CDK15: variants seen among roughly 807,000 people sequenced by gnomAD.
CDK15 encodes the protein cyclin-dependent kinase 15.
CDK15 carries 62 observed loss-of-function variants against 60.3 expected under a neutral mutation model. The ratio of observed to expected loss-of-function variants is 1.03; its 90% CI spans 0.84 to 1.27. CDK15 has a LOEUF of 1.27. Among genes scored for constraint, CDK15 ranks in the 50% most tolerant of loss-of-function variants. The pLI, the probability that CDK15 is intolerant of heterozygous loss-of-function variation, is 0.00. For synonymous variants in CDK15, 194 were observed against 195.7 expected, an observed-to-expected ratio of 0.99 and a Z score of 0.07; for missense variants, 541 against 527.8, an observed-to-expected ratio of 1.03 and a Z score of -0.25.
chr2:201,890,024 G>T (rs1699588658), intron 12 of CDK15, among the ~76,000 whole-genome samples: 1 of 150,030 alleles, frequency 6.7e-6, no homozygotes, highest in South Asian at 2.1e-4. Context: ...ACTCCAGCCT[G>T]GGCCACAGAG....
At chr2:201,842,747 T>C (rs899243206) in intron 8 of CDK15, among the ~76,000 whole-genome samples, 1 of 152,188 alleles carries the variant, frequency 6.6e-6, no homozygotes, top group African/African-American at 2.4e-5. Flanking sequence ...GGAGAAAACA[T>C]CTAAGCAGTT....
intron 4 of CDK15, among the ~76,000 whole-genome samples, chr2:201,816,455 GTTTTTTTTTT>G (rs55930032): frequency 1.3e-5 from 1 of 79,854 alleles, no homozygotes; most frequent in African/African-American, 5.1e-5. Context: ...TAAGGAAATG[GTTTTTTTTTT>G]TTTTTTTTTT....
At chr2:201,880,203 T>TGTGC (rs1559149013) in intron 12 of CDK15, 36 bp downstream of exon 12, 14 of 1,609,530 alleles carry the variant, frequency 8.7e-6, no homozygotes, top group Non-Finnish European at 1.2e-5. Flanking sequence ...CGTGAGTGCA[T>TGTGC]GTGCGTGAGT....
intron 9 of CDK15, among the ~76,000 whole-genome samples, chr2:201,854,525 T>C (rs1698056961): frequency 6.6e-6 from 1 of 152,208 alleles, no homozygotes; most frequent in Admixed American, 6.5e-5. Flanking sequence ...CCTGCTTCTT[T>C]ATATCCCTAG....
chr2:201,829,546 T>C (rs1416389816), intron 6 of CDK15, among the ~76,000 whole-genome samples: 2 of 152,186 alleles, frequency 1.3e-5, no homozygotes, highest in African/African-American at 4.8e-5. Flanking sequence ...AATTGTGTTT[T>C]AGACATGCTA....
chr2:201,887,168 G>A lies in CDK15; in HGVS notation c.1199-3617G>A, dbSNP rs1273823476. The stretch of plus-strand genomic sequence containing the variant: ...TGTTGGTATATTGACTCAACATACA[G>A]TACTATGTAACCATTTTAAATGATC... On this transcript the variant is annotated intron_variant, in intron 12 of 13. Coordinates refer to ENST00000652192, the MANE Select transcript of CDK15 (RefSeq NM_001366386.2). 5.3e-5 allele frequency among the ~76,000 whole-genome samples: 8 copies of A among 152,198 alleles called. No individual in the cohort carries two copies. The East Asian group carries it at 9.6e-4, about 18-fold the overall frequency.
At chr2:201,869,007 G>A (rs554660179) in intron 10 of CDK15, among the ~76,000 whole-genome samples, 1 of 152,274 alleles carries the variant, frequency 6.6e-6, no homozygotes, top group South Asian at 2.1e-4. Flanking sequence ...AATACCATTT[G>A]ACCCAGCAAT....
rs951418406 is a variant in CDK15, at chr2:201,883,804, G to A, written c.1198+3637G>A. ...CGTGGCTGAGCCAGCAGGGCAGGACGTCAGCTGGAGCAGCTAGGACCTAAA... is the reference window on the plus strand; with the variant it reads ...CGTGGCTGAGCCAGCAGGGCAGGACATCAGCTGGAGCAGCTAGGACCTAAA... On this transcript the variant is annotated intron_variant, in intron 12 of 13. Transcript: ENST00000652192. Among the ~76,000 whole-genome samples the A allele has an allele frequency of 3.3e-5, 5 of 152,346 alleles. No individual in the cohort carries two copies. In the South Asian group the frequency reaches 1.0e-3, roughly 32 times the overall value.
In CDK15 at chr2:201,819,938, A is replaced by G. The variant is rs1696148786; in HGVS notation, c.449-2871A>G. 2.0e-5 allele frequency among the ~76,000 whole-genome samples: 3 copies of G among 152,178 alleles called. No homozygotes were observed. The South Asian group carries it at 6.2e-4, about 31-fold the overall frequency. The stretch of plus-strand genomic sequence containing the variant: ...AGATGACATGAAGTTTATACCCAGT[A>G]TTGTTAGCAGGAAGCCTCATTCCAA... On this transcript the variant is annotated intron_variant, in intron 4 of 13. Transcript: ENST00000652192.
At chr2:201,888,199 A>C (rs1699527294) in intron 12 of CDK15, among the ~76,000 whole-genome samples, 1 of 152,158 alleles carries the variant, frequency 6.6e-6, no homozygotes, top group East Asian at 1.9e-4. Flanking sequence ...GCCCAGGAAG[A>C]GTAAATGGAG....
chr2:201,836,236 C>G (rs1239089996), intron 8 of CDK15, among the ~76,000 whole-genome samples: 2 of 130,570 alleles, frequency 1.5e-5, no homozygotes, highest in Admixed American at 8.8e-5. Flanking sequence ...TGGAGTCTCA[C>G]TCTATTGCCC....
chr2:201,854,153 G>A lies in CDK15; in HGVS notation c.946-721G>A, dbSNP rs75154087. The stretch of plus-strand genomic sequence containing the variant: ...CGCATCACTGCACTCCAGCCTGGGC[G>A]ACAGAGCGAGACTCCGTCTCAAAAA... On this transcript the variant is annotated intron_variant, in intron 9 of 13. Transcript: ENST00000652192. Among the ~76,000 whole-genome samples the A allele has an allele frequency of 6.0e-3, 916 of 151,684 alleles. 17 individuals carry two copies. Among genetic ancestry groups the A allele is most frequent in the East Asian group, 0.022 (113 of 5,142 alleles).
chr2:201,883,460 G>A (rs1400566158), intron 12 of CDK15, among the ~76,000 whole-genome samples: 1 of 152,188 alleles, frequency 6.6e-6, no homozygotes, highest in Non-Finnish European at 1.5e-5. Context: ...CTAGGTTGTG[G>A]CAGTACGCTT....
intron 3 of CDK15, among the ~76,000 whole-genome samples, chr2:201,811,430 G>T (rs1008114842): frequency 6.6e-6 from 1 of 152,230 alleles, no homozygotes; most frequent in South Asian, 2.1e-4. Flanking sequence ...GATTACAGGC[G>T]TGAGCCACTG....
rs1376555887 is a variant in CDK15 at position 201,833,952 on chromosome 2, G to A, written c.711G>A (p.Glu237=). The A allele has an allele frequency of 6.2e-7, 1 of 1,613,568 alleles. No homozygotes were observed. The highest frequency in any genetic ancestry group is 8.5e-7 in the Non-Finnish European group (1 of 1,179,860). Residue 237 remains glutamate, a synonymous_variant, in exon 7 of 14, where the codon GAG becomes GAA. Coordinates refer to ENST00000652192, the MANE Select transcript of CDK15 (RefSeq NM_001366386.2). ...PQNLLISHLG[E]LKLADFGLAR... is the part of the protein sequence containing the mutation. ...ACTTACTCATCAGTCACCTGGGAGAGCTCAAACTGGCTGATTTTGGTAAGT... is the reference window on the plus strand; with the variant it reads ...ACTTACTCATCAGTCACCTGGGAGAACTCAAACTGGCTGATTTTGGTAAGT...
chr2:201,840,853 G>A (rs1697344008), intron 8 of CDK15, among the ~76,000 whole-genome samples: 2 of 152,118 alleles, frequency 1.3e-5, no homozygotes, highest in South Asian at 4.1e-4. Flanking sequence ...TCTAGGAGGT[G>A]TCCAGTGTGG....
At chr2:201,867,406 C>A (rs1698675887) in intron 10 of CDK15, among the ~76,000 whole-genome samples, 1 of 152,116 alleles carries the variant, frequency 6.6e-6, no homozygotes, top group Non-Finnish European at 1.5e-5. Flanking sequence ...TGGAGGATTG[C>A]TGGAAACTGG....
At chr2:201,850,113 G>A (rs1036460798) in intron 9 of CDK15, among the ~76,000 whole-genome samples, 16 of 152,272 alleles carry the variant, frequency 1.1e-4, no homozygotes, top group Admixed American at 3.3e-4. Context: ...GTGAGCCACC[G>A]CGCCCAGCCT....
intron 10 of CDK15, among the ~76,000 whole-genome samples, chr2:201,859,483 A>G (rs1698292242): frequency 6.6e-6 from 1 of 152,210 alleles, no homozygotes. Context: ...AGGTTTCACC[A>G]TCAGAACCAA....
Sources: allele counts gnomAD v4.1 joint callset (sites outside exome capture counted in the v4.1 genomes callset), GRCh38; gene constraint gnomAD v4.1.1; transcripts MANE v1.5; gene names NCBI Gene and HGNC (gene_info 2026-07-23, HGNC 2026-07-21).